SPIDR: variants seen among roughly 807,000 people sequenced by gnomAD.
SPIDR encodes the protein DNA repair-scaffolding protein.
In SPIDR, 93 loss-of-function variants were observed where a neutral mutation model predicts 104.6. The ratio of observed to expected loss-of-function variants is 0.89; its 90% CI spans 0.75 to 1.06. The LOEUF (loss-of-function observed/expected upper bound fraction) is 1.06, where lower values mean the gene tolerates loss of function less well. SPIDR is among the 50% of genes least tolerant of loss of function. The probability of loss-of-function intolerance (pLI) is 0.00; values close to 1 mark genes in which losing one functional copy is unlikely to be tolerated. For synonymous variants in SPIDR, 431 were observed against 416.9 expected, an observed-to-expected ratio of 1.03 and a Z score of -0.41; for missense variants, 1,154 against 1,111.2, an observed-to-expected ratio of 1.04 and a Z score of -0.55.
At chr8:47,270,291 T>TA (rs2035028649) in intron 1 of SPIDR, among the ~76,000 whole-genome samples, 1 of 152,230 alleles carries the variant, frequency 6.6e-6, no homozygotes, top group African/African-American at 2.4e-5. Context: ...GTTTTAAAGT[T>TA]ATGACTCAAT....
At position 47,307,533 on chromosome 8, in the gene SPIDR, G is replaced by GTTT. The variant is rs71225675; in HGVS notation, c.525+13524_525+13526dup. Among the ~76,000 whole-genome samples, 246 of 72,140 alleles carry GTTT rather than the reference G, an allele frequency of 3.4e-3. 4 individuals are homozygous for GTTT. Among genetic ancestry groups the GTTT allele is most frequent in the Non-Finnish European group, 4.4e-3 (175 of 39,366 alleles). The allele number at this position is 72,140 out of a possible 152,430, so 47.3% of individuals were successfully genotyped here. ...CGCACCCAGCCTCTTTTCTCATTTC[G>GTTT]TTTTTTTTTTTTTTTTTTTTTTTGA... On this transcript the variant is annotated intron_variant, in intron 5 of 19. Coordinates refer to ENST00000297423, the MANE Select transcript of SPIDR (RefSeq NM_001080394.4).
At chr8:47,357,813 G>A (rs2054859152) in intron 5 of SPIDR, 1 of 978,516 alleles carries the variant, frequency 1.0e-6, no homozygotes, top group Non-Finnish European at 1.2e-6. Flanking sequence ...AGGATATAAG[G>A]AGAAAGGAAA....
chr8:47,620,771 C>A (rs1459374846), intron 10 of SPIDR, among the ~76,000 whole-genome samples: 8 of 150,756 alleles, frequency 5.3e-5, no homozygotes, highest in African/African-American at 2.0e-4. Flanking sequence ...GCACACATCA[C>A]CACGCCCGGC....
At chr8:47,411,287 G>C (rs561318877) in intron 7 of SPIDR, among the ~76,000 whole-genome samples, 17 of 152,324 alleles carry the variant, frequency 1.1e-4, no homozygotes, top group South Asian at 4.1e-4. Flanking sequence ...CAGTGTAAAA[G>C]TGTTCCTATT....
At chr8:47,660,336 A>G (rs963336514) in intron 10 of SPIDR, 91 of 542,836 alleles carry the variant, frequency 1.7e-4, no homozygotes, top group African/African-American at 1.5e-3. Context: ...TATACTTCCA[A>G]CGTGAACAGG....
intron 5 of SPIDR, among the ~76,000 whole-genome samples, chr8:47,369,549 T>G (rs2057713455): frequency 6.6e-6 from 1 of 152,196 alleles, no homozygotes; most frequent in South Asian, 2.1e-4. Context: ...GGTGCCTATG[T>G]TTTTATCTAA....
intron 5 of SPIDR, among the ~76,000 whole-genome samples, chr8:47,376,672 T>A (rs1222839437): frequency 6.6e-6 from 1 of 152,146 alleles, no homozygotes. Context: ...CAATAAATAG[T>A]AAGTTGAATT....
intron 8 of SPIDR, chr8:47,511,482 C>T: frequency 1.3e-6 from 1 of 777,650 alleles, no homozygotes; most frequent in Admixed American, 1.7e-5. Context: ...GCCTCCACAG[C>T]TCTGCTGGCA....
chr8:47,347,113 T>C (rs1313071381), intron 5 of SPIDR, among the ~76,000 whole-genome samples: 3 of 152,242 alleles, frequency 2.0e-5, no homozygotes, highest in Non-Finnish European at 4.4e-5. Context: ...TACACACTGC[T>C]TTAAATGTGT....
chr8:47,286,947 G>T (rs942873962), intron 3 of SPIDR, among the ~76,000 whole-genome samples: 1 of 152,044 alleles, frequency 6.6e-6, no homozygotes, highest in African/African-American at 2.4e-5. Flanking sequence ...AGTATTGGGG[G>T]AACCCGCCCC....
At chr8:47,542,602 C>A (rs1467935786) in intron 8 of SPIDR, among the ~76,000 whole-genome samples, 2 of 152,014 alleles carry the variant, frequency 1.3e-5, no homozygotes, top group East Asian at 1.9e-4. Flanking sequence ...TGAGAGGCAT[C>A]CAAGTGCAGA....
chr8:47,344,913 T>C (rs2051575073), intron 5 of SPIDR, among the ~76,000 whole-genome samples: 1 of 152,352 alleles, frequency 6.6e-6, no homozygotes, highest in East Asian at 1.9e-4. Context: ...TCCCATTCTA[T>C]AGGTTGCCTG....
intron 8 of SPIDR, among the ~76,000 whole-genome samples, chr8:47,585,668 G>T (rs1283707074): frequency 6.6e-6 from 1 of 152,088 alleles, no homozygotes; most frequent in Non-Finnish European, 1.5e-5. Context: ...TATGGAGGTC[G>T]AGGGGTTGCA....
chr8:47,397,056 A>G (rs2061326499), intron 6 of SPIDR, among the ~76,000 whole-genome samples: 1 of 152,186 alleles, frequency 6.6e-6, no homozygotes, highest in African/African-American at 2.4e-5. Flanking sequence ...CATGAACTAC[A>G]GTGTCAGTCA....
chr8:47,549,105 C>A (rs1403107695), intron 8 of SPIDR, among the ~76,000 whole-genome samples: 1 of 152,146 alleles, frequency 6.6e-6, no homozygotes, highest in African/African-American at 2.4e-5. Context: ...TGAACTCATC[C>A]TTTCTTATGG....
intron 10 of SPIDR, among the ~76,000 whole-genome samples, chr8:47,630,938 G>A (rs968249547): frequency 5.9e-5 from 9 of 152,058 alleles, no homozygotes; most frequent in African/African-American, 1.9e-4. Flanking sequence ...CCTGTAACAC[G>A]GAATCCCAGG....
intron 14 of SPIDR, among the ~76,000 whole-genome samples, chr8:47,712,196 G>A (rs745897518): frequency 1.3e-5 from 2 of 152,218 alleles, no homozygotes; most frequent in Non-Finnish European, 2.9e-5. Context: ...AAAACCTGTT[G>A]CAGATGCAAC....
chr8:47,262,959 A>G (rs929708922), intron 1 of SPIDR, among the ~76,000 whole-genome samples: 3 of 152,112 alleles, frequency 2.0e-5, no homozygotes, highest in African/African-American at 7.2e-5. Flanking sequence ...TCTAAATCTC[A>G]TTTTACTTCT....
intron 5 of SPIDR, among the ~76,000 whole-genome samples, chr8:47,320,881 T>C (rs941562036): frequency 6.6e-6 from 1 of 152,158 alleles, no homozygotes; most frequent in Admixed American, 6.5e-5. Flanking sequence ...GAAAAGGCCT[T>C]TGACAAAATT....
Sources: gnomAD v4.1 joint callset for allele counts (sites outside exome capture counted in the v4.1 genomes callset) on GRCh38, gnomAD v4.1.1 for gene constraint, MANE v1.5 for transcripts, NCBI Gene and HGNC (gene_info 2026-07-23, HGNC 2026-07-21) for gene names.